SNTG1: variants seen among roughly 807,000 people sequenced by gnomAD.
SNTG1 encodes the protein gamma-1-syntrophin.
Under a neutral mutation model 74.7 loss-of-function variants are expected in SNTG1, and 39 were observed. The ratio of observed to expected loss-of-function variants is 0.52; its 90% CI spans 0.40 to 0.68. SNTG1 has a LOEUF of 0.68. SNTG1 is among the 30% of genes least tolerant of loss of function. The pLI is 0.00. For synonymous variants in SNTG1, 254 were observed against 217.1 expected (o/e 1.17, Z -1.49); for missense variants, 685 against 609.5 (o/e 1.12, Z -1.30).
At chr8:50,628,601 C>G (rs906681831) in intron 13 of SNTG1, among the ~76,000 whole-genome samples, 5 of 151,902 alleles carry the variant, frequency 3.3e-5, no homozygotes, top group Non-Finnish European at 7.4e-5. Context: ...AGAATCTATT[C>G]TTGTTGTACC....
intron 13 of SNTG1, among the ~76,000 whole-genome samples, chr8:50,611,187 G>A (rs766578048): frequency 6.6e-6 from 1 of 152,096 alleles, no homozygotes; most frequent in Non-Finnish European, 1.5e-5. Context: ...GTATCCTTTG[G>A]CAAAGGGTCC....
At chr8:50,289,705 T>C (rs1435886402) in intron 2 of SNTG1, among the ~76,000 whole-genome samples, 1 of 152,128 alleles carries the variant, frequency 6.6e-6, no homozygotes, top group East Asian at 1.9e-4. Context: ...ATATCATAAA[T>C]GAACAAATAA....
In SNTG1 at chr8:50,049,932, T is replaced by C. The variant is rs541716804; in HGVS notation, c.-102-122629T>C. On this transcript the variant is annotated intron_variant, in intron 1 of 18. Coordinates refer to ENST00000642720, the MANE Select transcript of SNTG1 (RefSeq NM_018967.5). ...GAAAATGAGAATACTATAATACATG[T>C]CAAAATTCGTGGAATTCAGCAAAAG... Among the ~76,000 whole-genome samples the C allele has an allele frequency of 1.8e-4, 28 of 151,954 alleles. No homozygotes were observed. In the South Asian group the frequency reaches 3.5e-3, roughly 19 times the overall value.
intron 5 of SNTG1, among the ~76,000 whole-genome samples, chr8:50,442,266 A>C (rs1471859357): frequency 6.6e-6 from 1 of 152,170 alleles, no homozygotes; most frequent in Non-Finnish European, 1.5e-5. Context: ...GCTGTTTAGC[A>C]ACTGTAGAAG....
At chr8:50,115,419 AGC>A (rs1167916389) in intron 1 of SNTG1, among the ~76,000 whole-genome samples, 2 of 151,738 alleles carry the variant, frequency 1.3e-5, no homozygotes, top group African/African-American at 4.8e-5. Context: ...TACAAAAATT[AGC>A]CGAGCATCAT....
chr8:49,994,256 CTT>C lies in SNTG1; in HGVS notation c.-103+82041_-103+82042del, dbSNP rs11367514. Among the ~76,000 whole-genome samples, 948 of 101,226 alleles carry C rather than the reference CTT, an allele frequency of 9.4e-3. 3 individuals are homozygous for C. The highest frequency in any genetic ancestry group is 0.018 in the African/African-American group (500 of 27,168). 66.4% of individuals were successfully genotyped at this position (101,226 alleles called of 152,430 possible). A position where few individuals can be genotyped will look rare whatever the true frequency, so the allele number is the denominator to read the frequency against. On this transcript the variant is annotated intron_variant, in intron 1 of 18. Coordinates refer to ENST00000642720, the MANE Select transcript of SNTG1 (RefSeq NM_018967.5). ...ATTCAAGATTATTATTTTTATTCTT[CTT>C]TTTTTTTTTTTTTTTGAGATGGAGT...
chr8:50,250,669 A>T (rs2086607595), intron 2 of SNTG1, among the ~76,000 whole-genome samples: 1 of 152,210 alleles, frequency 6.6e-6, no homozygotes, highest in African/African-American at 2.4e-5. Flanking sequence ...TACTACAAAC[A>T]CTGAAAGATA....
upstream of SNTG1, chr8:49,909,996 T>A: frequency 6.6e-6 from 1 of 152,310 alleles, no homozygotes; most frequent in East Asian, 1.9e-4. Context: ...GGAACTCCAC[T>A]GGCTGTGCCG....
chr8:49,910,538 C>G (rs970237329), upstream of SNTG1, among the ~76,000 whole-genome samples: 1 of 152,182 alleles, frequency 6.6e-6, no homozygotes, highest in Non-Finnish European at 1.5e-5. Context: ...TTCAACTTCC[C>G]GTCTCAGTTC....
At chr8:49,976,509 A>T (rs1812206993) in intron 1 of SNTG1, among the ~76,000 whole-genome samples, 1 of 152,202 alleles carries the variant, frequency 6.6e-6, no homozygotes, top group African/African-American at 2.4e-5. Context: ...ACAGGAAATA[A>T]GAAACAGAAA....
In SNTG1 at chr8:50,568,254, C is replaced by T. The variant is rs545112477; in HGVS notation, c.810+15075C>T. 8.1e-5 allele frequency among the ~76,000 whole-genome samples: 3 copies of T among 36,950 alleles called. No homozygotes were observed. The East Asian group carries it at 4.5e-3, about 55-fold the overall frequency. 24.2% of individuals were successfully genotyped at this position (36,950 alleles called of 152,430 possible). On this transcript the variant is annotated intron_variant, in intron 12 of 18. Transcript: ENST00000642720. ...GTGTGTGTGTGTGTGTGTGTGTGTG[C>T]TATCTATTTATCCATCTATCTATCT...
Position 50,313,886 on chromosome 8 carries a change from A to ACTT in SNTG1, c.-27-80324_-27-80322dup, listed in dbSNP as rs1229056907. Among the ~76,000 whole-genome samples the ACTT allele has an allele frequency of 1.8e-4, 27 of 150,080 alleles. 6 individuals are homozygous for ACTT. Among genetic ancestry groups the ACTT allele is most frequent in the African/African-American group, 6.4e-4 (26 of 40,362 alleles). On this transcript the variant is annotated intron_variant, in intron 2 of 18. Transcript: ENST00000642720. ...ACATCCTCTTACTTCTGCCTCAAAT[A>ACTT]CTTCAGTGTGCATATCTGAAATACA...
intron 4 of SNTG1, among the ~76,000 whole-genome samples, chr8:50,425,007 A>T (rs1405435759): frequency 1.3e-5 from 2 of 152,178 alleles, no homozygotes; most frequent in East Asian, 3.9e-4. Context: ...AGCATTGTTT[A>T]TGAGAAATCA....
chr8:50,628,292 ATTTAAGC>A (rs1445116144), intron 13 of SNTG1, among the ~76,000 whole-genome samples: 1 of 151,874 alleles, frequency 6.6e-6, no homozygotes, highest in Non-Finnish European at 1.5e-5. Context: ...AACTTGATTG[ATTTAAGC>A]CTCGGAATTG....
At chr8:50,704,490 GA>G in intron 15 of SNTG1, 109 bp from the exon 16 acceptor site, 2 of 843,008 alleles carry the variant, frequency 2.4e-6, no homozygotes, top group Non-Finnish European at 3.3e-6. Context: ...TGAATTCGCA[GA>G]GTGTTGTCTT....
intron 1 of SNTG1, among the ~76,000 whole-genome samples, chr8:50,061,684 A>G (rs1820483867): frequency 6.6e-6 from 1 of 152,038 alleles, no homozygotes. Context: ...AATATTCTAT[A>G]TCTTCATATT....
chr8:50,770,517 G>T (rs1446397262), intron 18 of SNTG1, among the ~76,000 whole-genome samples: 1 of 151,992 alleles, frequency 6.6e-6, no homozygotes, highest in South Asian at 2.1e-4. Flanking sequence ...CCACTGAAGG[G>T]TGTGGGCTGG....
At chr8:50,041,234 G>A (rs888693466) in intron 1 of SNTG1, among the ~76,000 whole-genome samples, 1 of 152,100 alleles carries the variant, frequency 6.6e-6, no homozygotes, top group Non-Finnish European at 1.5e-5. Flanking sequence ...GTATTATTGA[G>A]TCGCTTTGAA....
At chr8:50,709,365 A>C (rs1272530678) in intron 17 of SNTG1, among the ~76,000 whole-genome samples, 3 of 151,476 alleles carry the variant, frequency 2.0e-5, no homozygotes, top group South Asian at 4.2e-4. Context: ...TACAAAAAGA[A>C]AGAAAACATG....
Sources: gnomAD v4.1 joint callset for allele counts (sites outside exome capture counted in the v4.1 genomes callset) on GRCh38, gnomAD v4.1.1 for gene constraint, MANE v1.5 for transcripts, NCBI Gene and HGNC (gene_info 2026-07-23, HGNC 2026-07-21) for gene names.